SLC44A5: variants seen among roughly 807,000 people sequenced by gnomAD.
SLC44A5 encodes the protein choline transporter-like protein 5.
In SLC44A5, 57 loss-of-function variants were observed where a neutral mutation model predicts 101.8. That is an observed-to-expected ratio of 0.56 (90% CI 0.45 to 0.70). The LOEUF (loss-of-function observed/expected upper bound fraction) is 0.70, where lower values mean the gene tolerates loss of function less well. Ranked by LOEUF, SLC44A5 falls within the 30% of genes least tolerant of loss-of-function variation. SLC44A5 has a pLI of 0.00. For synonymous variants in SLC44A5, 281 were observed against 290.9 expected, an observed-to-expected ratio of 0.97 and a Z score of 0.35; for missense variants, 737 against 853.1, an observed-to-expected ratio of 0.86 and a Z score of 1.70.
At chr1:75,508,431 T>C (rs1669387293) in intron 2 of SLC44A5, among the ~76,000 whole-genome samples, 1 of 152,072 alleles carries the variant, frequency 6.6e-6, no homozygotes, top group Non-Finnish European at 1.5e-5. Flanking sequence ...TCTAACATCA[T>C]ACCTAGAGGA....
intron 1 of SLC44A5, among the ~76,000 whole-genome samples, chr1:75,577,536 A>G (rs1463970977): frequency 2.0e-5 from 3 of 152,166 alleles, no homozygotes; most frequent in African/African-American, 4.8e-5. Flanking sequence ...CTCAAATGTC[A>G]CAGTCTCGGT....
intron 3 of SLC44A5, among the ~76,000 whole-genome samples, chr1:75,339,914 C>A (rs1257788370): frequency 6.6e-6 from 1 of 152,082 alleles, no homozygotes; most frequent in East Asian, 1.9e-4. Context: ...AAGATTGTAT[C>A]CAGGGTAGCA....
At chr1:75,570,640 T>G (rs1479686803) in intron 1 of SLC44A5, among the ~76,000 whole-genome samples, 1 of 152,212 alleles carries the variant, frequency 6.6e-6, no homozygotes. Flanking sequence ...CCAGAAACTA[T>G]ATGTAGTTTG....
chr1:75,518,549 C>A (rs1669956157), intron 2 of SLC44A5, among the ~76,000 whole-genome samples: 1 of 151,702 alleles, frequency 6.6e-6, no homozygotes, highest in Non-Finnish European at 1.5e-5. Context: ...TGTTGCTAAG[C>A]AAATTAATGA....
At chr1:75,219,041 C>G (rs1021253733) in intron 16 of SLC44A5, among the ~76,000 whole-genome samples, 4 of 152,048 alleles carry the variant, frequency 2.6e-5, no homozygotes, top group Non-Finnish European at 4.4e-5. Flanking sequence ...TATGGTAGGG[C>G]AGGCAAGCTC....
intron 3 of SLC44A5, among the ~76,000 whole-genome samples, chr1:75,349,552 A>G (rs1658490663): frequency 6.6e-6 from 1 of 152,226 alleles, no homozygotes; most frequent in African/African-American, 2.4e-5. Context: ...AGACACTTTC[A>G]GGCAAAACAA....
At chr1:75,407,681 C>T (rs1301803711) in intron 2 of SLC44A5, among the ~76,000 whole-genome samples, 1 of 152,128 alleles carries the variant, frequency 6.6e-6, no homozygotes, top group Non-Finnish European at 1.5e-5. Context: ...AAATTTGACC[C>T]CTTCTTTATA....
intron 1 of SLC44A5, among the ~76,000 whole-genome samples, chr1:75,603,933 G>A (rs1215781826): frequency 6.6e-6 from 1 of 151,788 alleles, no homozygotes; most frequent in Admixed American, 6.6e-5. Context: ...CAGATGCACA[G>A]TTTGTGAATA....
chr1:75,340,071 G>A (rs893274839), intron 3 of SLC44A5, among the ~76,000 whole-genome samples: 1 of 152,072 alleles, frequency 6.6e-6, no homozygotes, highest in South Asian at 2.1e-4. Context: ...AGTTTCCTTC[G>A]AGAAGTTCAA....
the SLC44A5 span, among the ~76,000 whole-genome samples, chr1:75,703,418 AC>A: frequency 2.0e-5 from 3 of 149,892 alleles, no homozygotes; most frequent in Admixed American, 1.3e-4. Flanking sequence ...GGAGAAAAAA[AC>A]CAAACACCGC....
chr1:75,687,115 C>T, the SLC44A5 span, among the ~76,000 whole-genome samples: 5 of 152,050 alleles, frequency 3.3e-5, no homozygotes, highest in African/African-American at 1.2e-4. Context: ...TGTGTGCCAA[C>T]CTAAGACTGA....
intron 5 of SLC44A5, among the ~76,000 whole-genome samples, chr1:75,284,186 T>G (rs1652852208): frequency 6.6e-6 from 1 of 152,172 alleles, no homozygotes; most frequent in African/African-American, 2.4e-5. Flanking sequence ...CAGCAGTGTT[T>G]TGTAGTTTTC....
At chr1:75,574,570 C>T (rs1301232599) in intron 1 of SLC44A5, among the ~76,000 whole-genome samples, 1 of 152,200 alleles carries the variant, frequency 6.6e-6, no homozygotes, top group Non-Finnish European at 1.5e-5. Flanking sequence ...TTAGGCAAAA[C>T]TGTGGAGCAA....
At chr1:75,348,049 C>T (rs1658381500) in intron 3 of SLC44A5, among the ~76,000 whole-genome samples, 1 of 151,968 alleles carries the variant, frequency 6.6e-6, no homozygotes, top group Non-Finnish European at 1.5e-5. Context: ...TCCATGATGC[C>T]AGTAGTAGAA....
intron 10 of SLC44A5, among the ~76,000 whole-genome samples, chr1:75,237,272 G>A (rs141875946): frequency 9.8e-4 from 149 of 152,172 alleles, no homozygotes; most frequent in African/African-American, 3.2e-3. Flanking sequence ...ATAGCTGCAC[G>A]CAGAGAGAAC....
intron 2 of SLC44A5, among the ~76,000 whole-genome samples, chr1:75,508,615 G>GA (rs752187414): frequency 1.3e-5 from 2 of 150,922 alleles, no homozygotes; most frequent in Non-Finnish European, 3.0e-5. Flanking sequence ...GATGAAGAAG[G>GA]AAAAAAAAGA....
intron 3 of SLC44A5, among the ~76,000 whole-genome samples, chr1:75,351,219 A>G (rs927972633): frequency 5.9e-5 from 9 of 152,026 alleles, no homozygotes; most frequent in African/African-American, 2.2e-4. Flanking sequence ...AATGTTTAGA[A>G]CCACAAGGAG....
chr1:75,650,740 C>G, the SLC44A5 span, among the ~76,000 whole-genome samples: 1 of 152,216 alleles, frequency 6.6e-6, no homozygotes, highest in Non-Finnish European at 1.5e-5. Flanking sequence ...CCACCTCAGC[C>G]TCCTAAGTAA....
chr1:75,714,539 A>C, the SLC44A5 span, among the ~76,000 whole-genome samples: 1 of 152,210 alleles, frequency 6.6e-6, no homozygotes, highest in African/African-American at 2.4e-5. Flanking sequence ...GAAAGAGAGG[A>C]AGTCAAGATG....
Sources: gnomAD v4.1 joint callset for allele counts (sites outside exome capture counted in the v4.1 genomes callset) on GRCh38, gnomAD v4.1.1 for gene constraint, MANE v1.5 for transcripts, NCBI Gene and HGNC (gene_info 2026-07-23, HGNC 2026-07-21) for gene names.